Variants in SLC39A11 observed in about 807,000 individuals in gnomAD.
The protein encoded by SLC39A11 is solute carrier family 39 member 11.
A neutral mutation model predicts 36.1 loss-of-function variants in SLC39A11; 33 were observed. That is an observed-to-expected ratio of 0.91 (90% CI 0.69 to 1.22). The LOEUF is 1.22. SLC39A11 is among the 50% of genes most tolerant of loss of function. The pLI is 0.00. For missense variants in SLC39A11, 432 were observed against 430.3 expected (o/e 1.00, Z -0.03); for synonymous variants, 166 against 170.3 (o/e 0.97, Z 0.20).
chr17:72,909,967 T>C (rs940920803), intron 5 of SLC39A11, among the ~76,000 whole-genome samples: 9 of 151,862 alleles, frequency 5.9e-5, no homozygotes, highest in Non-Finnish European at 1.3e-4. Context: ...TTAGCCAGGA[T>C]GGTCTCGATC....
intron 4 of SLC39A11, among the ~76,000 whole-genome samples, chr17:72,965,301 T>G (rs2086885289): frequency 6.6e-6 from 1 of 150,404 alleles, no homozygotes; most frequent in Non-Finnish European, 1.5e-5. Context: ...AAAAAAAAGC[T>G]GGAGGAAATA....
At chr17:72,764,615 C>T (rs149158023) in intron 6 of SLC39A11, among the ~76,000 whole-genome samples, 204 of 152,184 alleles carry the variant, frequency 1.3e-3, no homozygotes, top group African/African-American at 4.6e-3. Context: ...GACAGCCCAC[C>T]GATGGCTGTG....
At chr17:72,742,695 C>G (rs182341045) in intron 6 of SLC39A11, among the ~76,000 whole-genome samples, 279 of 152,170 alleles carry the variant, frequency 1.8e-3, no homozygotes, top group Non-Finnish European at 3.1e-3. Context: ...TTTATTGTAA[C>G]AGACAACTCG....
chr17:72,889,120 G>A (rs948718478), intron 5 of SLC39A11, among the ~76,000 whole-genome samples: 7 of 152,190 alleles, frequency 4.6e-5, no homozygotes, highest in African/African-American at 7.2e-5. Context: ...ATTTATAAAC[G>A]TTTAGAGATG....
At chr17:73,067,235 C>T (rs1025720137) in intron 3 of SLC39A11, among the ~76,000 whole-genome samples, 2 of 152,212 alleles carry the variant, frequency 1.3e-5, no homozygotes, top group Non-Finnish European at 2.9e-5. Context: ...ACATGTGTCG[C>T]AGCATTCCTT....
chr17:73,041,025 T>G lies in SLC39A11; in HGVS notation c.148-9311A>C, dbSNP rs545134725. 4.9e-5 allele frequency among the ~76,000 whole-genome samples: 6 copies of G among 122,756 alleles called. No homozygotes were observed. In the East Asian group the frequency reaches 1.6e-3, roughly 33 times the overall value. 80.5% of individuals were successfully genotyped at this position (122,756 alleles called of 152,430 possible). A position where few individuals can be genotyped will look rare whatever the true frequency, so the allele number is the denominator to read the frequency against. ...AACAAAAAACAAAAAAAAAAAACAGTATTAACAGTATCACTTACTCAGTAT... is the reference window on the plus strand; with the variant it reads ...AACAAAAAACAAAAAAAAAAAACAGGATTAACAGTATCACTTACTCAGTAT... On this transcript the variant is annotated intron_variant, in intron 3 of 9. Transcript: ENST00000255559.
intron 6 of SLC39A11, among the ~76,000 whole-genome samples, chr17:72,833,606 T>C (rs2078380322): frequency 6.6e-6 from 1 of 152,208 alleles, no homozygotes; most frequent in Non-Finnish European, 1.5e-5. Context: ...CTTTCAAACC[T>C]GAGTTAAGTC....
chr17:72,985,494 C>A (rs11651104), intron 4 of SLC39A11, among the ~76,000 whole-genome samples: 71,492 of 146,672 alleles, frequency 0.49, 18,637 homozygotes, highest in Middle Eastern at 0.69. Flanking sequence ...CTCACTGCAA[C>A]CTCCACCTCC....
chr17:73,078,782 G>A (rs772719169), intron 3 of SLC39A11, among the ~76,000 whole-genome samples: 10 of 151,880 alleles, frequency 6.6e-5, no homozygotes, highest in African/African-American at 1.5e-4. Flanking sequence ...GCAGGTGTGA[G>A]CCACCATGCC....
intron 5 of SLC39A11, among the ~76,000 whole-genome samples, chr17:72,899,476 A>G (rs2082206775): frequency 6.6e-6 from 1 of 152,186 alleles, no homozygotes; most frequent in African/African-American, 2.4e-5. Flanking sequence ...ATGGAAAGGC[A>G]AGGGTCGGAT....
intron 7 of SLC39A11, among the ~76,000 whole-genome samples, chr17:72,699,723 G>A (rs901625139): frequency 2.0e-5 from 3 of 152,198 alleles, no homozygotes; most frequent in Non-Finnish European, 4.4e-5. Context: ...GACAGAGCTG[G>A]CAAGGGCGGC....
At chr17:72,693,248 G>A (rs1477011034) in intron 7 of SLC39A11, among the ~76,000 whole-genome samples, 2 of 113,306 alleles carry the variant, frequency 1.8e-5, no homozygotes, top group East Asian at 6.1e-4. Context: ...CTTGTCCCAG[G>A]AAGCTGTGTG....
At chr17:72,809,228 T>TC (rs59056767) in intron 6 of SLC39A11, among the ~76,000 whole-genome samples, 6 of 151,136 alleles carry the variant, frequency 4.0e-5, no homozygotes, top group African/African-American at 9.7e-5. Context: ...TCTCTCTCTC[T>TC]TTCTTTCTGC....
At chr17:73,003,359 T>A (rs964070912) in intron 4 of SLC39A11, among the ~76,000 whole-genome samples, 2 of 152,184 alleles carry the variant, frequency 1.3e-5, no homozygotes, top group African/African-American at 4.8e-5. Context: ...ATATGACAAA[T>A]GACCTTGGAC....
intron 7 of SLC39A11, among the ~76,000 whole-genome samples, chr17:72,726,145 G>A (rs2073922093): frequency 6.6e-6 from 1 of 152,208 alleles, no homozygotes; most frequent in African/African-American, 2.4e-5. Flanking sequence ...GATGCTCCAC[G>A]AGTCTGGGAG....
At chr17:72,899,223 C>G (rs1477965443) in intron 5 of SLC39A11, among the ~76,000 whole-genome samples, 1 of 152,032 alleles carries the variant, frequency 6.6e-6, no homozygotes, top group East Asian at 1.9e-4. Context: ...AACCCCCACC[C>G]CAAGCCCCTG....
intron 5 of SLC39A11, among the ~76,000 whole-genome samples, chr17:72,881,032 G>A (rs1475122445): frequency 6.6e-6 from 1 of 151,466 alleles, no homozygotes; most frequent in African/African-American, 2.4e-5. Context: ...AGGATATGGA[G>A]GAGATGGAAC....
At chr17:73,084,898 T>C in intron 2 of SLC39A11, 52 bp from the exon 3 acceptor site, 1 of 1,590,770 alleles carries the variant, frequency 6.3e-7, no homozygotes, top group Non-Finnish European at 8.6e-7. Flanking sequence ...AAGATGATGT[T>C]TCCTGGGACA....
At chr17:72,733,352 C>T (rs1307547946) in intron 7 of SLC39A11, among the ~76,000 whole-genome samples, 1 of 152,138 alleles carries the variant, frequency 6.6e-6, no homozygotes, top group Non-Finnish European at 1.5e-5. Flanking sequence ...TGTTCAGCTT[C>T]TAGGAAGAGT....
Sources: gnomAD v4.1 joint callset for allele counts (sites outside exome capture counted in the v4.1 genomes callset) on GRCh38, gnomAD v4.1.1 for gene constraint, MANE v1.5 for transcripts, NCBI Gene and HGNC (gene_info 2026-07-23, HGNC 2026-07-21) for gene names.